USHBP1: variants seen among roughly 807,000 people sequenced by gnomAD.
USHBP1 encodes USH1 protein network component harmonin binding protein 1.
Under a neutral mutation model 76.2 loss-of-function variants are expected in USHBP1, and 67 were observed. The ratio of observed to expected loss-of-function variants is 0.88; its 90% CI spans 0.72 to 1.08. The LOEUF is 1.08. USHBP1 is among the 50% of genes least tolerant of loss of function. USHBP1 has a pLI of 0.00. For missense variants in USHBP1, 931 were observed against 915.0 expected (o/e 1.02, Z -0.23); for synonymous variants, 322 against 362.2 (o/e 0.89, Z 1.26).
chr19:17,254,519 G>C (rs1443445314), intron 10 of USHBP1, among the ~76,000 whole-genome samples: 1 of 151,774 alleles, frequency 6.6e-6, no homozygotes, highest in African/African-American at 2.4e-5. Flanking sequence ...AGCCGGGCGT[G>C]GTGGCGCGTG....
rs991625236 is a variant in USHBP1, at chr19:17,249,326, G to A, written c.*899C>T. On this transcript the variant is annotated 3_prime_UTR_variant, in exon 13 of 13. Coordinates refer to ENST00000252597, the MANE Select transcript of USHBP1 (RefSeq NM_031941.4). ...CCTGCCTCAGTCTCCCGAGTAGCCGGGATTACAGGCATGTGCCACAACACC... is the reference window on the plus strand; with the variant it reads ...CCTGCCTCAGTCTCCCGAGTAGCCGAGATTACAGGCATGTGCCACAACACC... 1.3e-5 allele frequency: 2 copies of A among 152,004 alleles called. No individual in the cohort carries two copies. The allele number at this position is 152,004 out of a possible 1,614,324, so 9.4% of individuals were successfully genotyped here.
At position 17,256,524 on chromosome 19, in the gene USHBP1, C is replaced by G. The variant is rs1405454604; in HGVS notation, c.1417G>C (p.Ala473Pro). The G allele has an allele frequency of 1.2e-6, 2 of 1,613,890 alleles. No homozygotes were observed. The highest frequency in any genetic ancestry group is 1.7e-5 in the Admixed American group (1 of 59,992). ...TGTGTCTTCTCCAGTCGGGGAAGAG[C>G]TGGGCCAGCCTGGGTCCCCAGAATG... ...QAILGTQAGP[A>P]LPRLEKTQIQ... The change falls in exon 9 of 13, where the codon GCT becomes CCT. Residue 473 changes from alanine (A) to proline (P), a missense_variant. Coordinates refer to ENST00000252597, the MANE Select transcript of USHBP1 (RefSeq NM_031941.4).
rs768906771 is a variant in USHBP1, at chr19:17,258,256, C to T, written c.1176G>A (p.Glu392=). 3.1e-6 allele frequency: 5 copies of T among 1,614,136 alleles called. No homozygotes were observed. In the South Asian group the frequency reaches 3.3e-5, roughly 11 times the overall value. ...GTGCTCCTGCATCCATGGCAGCCTC[C>T]TCTTGTGCCAGCAGCCTCCATGCTT... is the stretch of plus-strand genomic sequence containing the variant. ...EKEAWRLLAQ[E]EAAMDAGAQQ... is the part of the protein sequence containing the mutation. Residue 392 remains glutamate (E), a synonymous_variant, in exon 8 of 13, where the codon GAG becomes GAA. Transcript: ENST00000252597.
intron 8 of USHBP1, among the ~76,000 whole-genome samples, 163 bp downstream of exon 8, chr19:17,258,049 A>G (rs2145587082): frequency 6.6e-6 from 1 of 152,266 alleles, no homozygotes; most frequent in East Asian, 1.9e-4. Flanking sequence ...CAACAGGCCA[A>G]CTGCAGTTGA....
intron 3 of USHBP1, chr19:17,263,618 C>T (rs967644700): frequency 1.1e-5 from 2 of 176,100 alleles, no homozygotes; most frequent in Non-Finnish European, 2.4e-5. Flanking sequence ...GCGGCTTACA[C>T]TTGTAATCCC....
At chr19:17,253,060 C>A (rs1245362160) in intron 10 of USHBP1, among the ~76,000 whole-genome samples, 2 of 148,640 alleles carry the variant, frequency 1.3e-5, no homozygotes, top group Non-Finnish European at 3.0e-5. Context: ...GCTCTGCCTC[C>A]CGGGTTCACG....
chr19:17,253,787 G>A (rs920494371), intron 10 of USHBP1, among the ~76,000 whole-genome samples: 1 of 149,482 alleles, frequency 6.7e-6, no homozygotes, highest in South Asian at 2.1e-4. Context: ...CCAGCTACTC[G>A]GGAAGCCAAA....
chr19:17,259,341 GC>G lies in USHBP1; in HGVS notation c.993del (p.Gln331HisfsTer2). 6.2e-7 allele frequency: 1 copy of G among 1,614,168 alleles called. No individual in the cohort carries two copies. ...YKGRCEGLSM[Q>X]LGQREAEATA... ...GTGGCCTCAGCCTCCCGCTGGCCTA[GC>G]TGCATGCTGAGGCCTTCACAGCGGC... On this transcript the variant is annotated frameshift_variant, in exon 7 of 13. Coordinates refer to ENST00000252597, the MANE Select transcript of USHBP1 (RefSeq NM_031941.4). LOFTEE classifies it high-confidence loss of function.
At chr19:17,260,516 G>C (rs530969694) in intron 4 of USHBP1, among the ~76,000 whole-genome samples, 6 of 152,286 alleles carry the variant, frequency 3.9e-5, no homozygotes, top group African/African-American at 1.4e-4. Context: ...TTTCAGTAGA[G>C]ATGGGGTTTC....
intron 8 of USHBP1, among the ~76,000 whole-genome samples, chr19:17,257,837 A>C (rs955177464): frequency 2.0e-5 from 3 of 151,900 alleles, no homozygotes; most frequent in Non-Finnish European, 4.4e-5. Flanking sequence ...TTGGTAGAGA[A>C]GGACTTTCGC....
chr19:17,259,489 A>G (rs2073661864), intron 6 of USHBP1, 60 bp from the exon 7 acceptor site: 9 of 1,608,984 alleles, frequency 5.6e-6, no homozygotes, highest in Non-Finnish European at 7.6e-6. Context: ...TCAGGCCTCA[A>G]TTTCCACCCT....
At position 17,250,158 on chromosome 19, in the gene USHBP1, TC is replaced by T; in HGVS notation, c.*66del. ...CCAAATCATGCAACATGACATGATG[TC>T]ACTCCAGGACAGTTTATGACATGCC... On this transcript the variant is annotated 3_prime_UTR_variant, in exon 13 of 13. Coordinates refer to ENST00000252597, the MANE Select transcript of USHBP1 (RefSeq NM_031941.4). 6.7e-7 allele frequency: 1 copy of T among 1,502,294 alleles called. No homozygotes were observed. Among genetic ancestry groups the T allele is most frequent in the Non-Finnish European group, 8.9e-7 (1 of 1,119,064 alleles). The allele number at this position is 1,502,294 out of a possible 1,614,324, so 93.1% of individuals were successfully genotyped here.
rs568805992 is a variant in USHBP1 at position 17,256,551 on chromosome 19, C to A, written c.1390G>T (p.Ala464Ser). ...TVPRAEAMVQ[A>S]ILGTQAGPAL... ...GGGCCAGCCTGGGTCCCCAGAATGG[C>A]CTGCACCATGGCTTCTGCACGGGGC... The change falls in exon 9 of 13, where the codon GCC (alanine) becomes TCC (serine). Residue 464 changes from alanine (A) to serine (S), a missense_variant. Ala to Ser is a moderately conservative substitution (Grantham distance 99). Coordinates refer to ENST00000252597, the MANE Select transcript of USHBP1 (RefSeq NM_031941.4). 3.7e-6 allele frequency: 6 copies of A among 1,614,026 alleles called. No individual in the cohort carries two copies. The highest frequency in any genetic ancestry group is 5.1e-6 in the Non-Finnish European group (6 of 1,180,038).
At position 17,258,303 on chromosome 19, in the gene USHBP1, C is replaced by T. The variant is rs766531697; in HGVS notation, c.1129G>A (p.Asp377Asn). 2.5e-6 allele frequency: 4 copies of T among 1,614,128 alleles called. No individual in the cohort carries two copies. The South Asian group carries it at 3.3e-5, about 13-fold the overall frequency. The change falls in exon 8 of 13, where the codon GAC becomes AAC. Residue 377 changes from aspartate (D) to asparagine (N), a missense_variant. Transcript: ENST00000252597. ...GCTTCCTTTTCAGCTGCTTGCAGGTCACTCATGGGGGCTTCGTCTCCTGCT... is the reference window on the plus strand; with the variant it reads ...GCTTCCTTTTCAGCTGCTTGCAGGTTACTCATGGGGGCTTCGTCTCCTGCT... ...SGAGDEAPMS[D>N]LQAAEKEAWR...
chr19:17,251,485 G>A lies in USHBP1; in HGVS notation c.1922+97C>T, dbSNP rs191465472. ...GACCGTTACTGCCTATCTTGGGGCA[G>A]TGGGGAATGCTAAGGCCCAGAGACA... On this transcript the variant is annotated intron_variant, in intron 12 of 12. Transcript: ENST00000252597. 8.1e-4 allele frequency: 1,231 copies of A among 1,527,974 alleles called. 3 individuals are homozygous for A. The highest frequency in any genetic ancestry group is 1.7e-3 in the South Asian group (149 of 87,434). The allele number at this position is 1,527,974 out of a possible 1,614,324, so 94.7% of individuals were successfully genotyped here. A position where few individuals can be genotyped will look rare whatever the true frequency, so the allele number is the denominator to read the frequency against.
intron 7 of USHBP1, 126 bp from the exon 8 acceptor site, chr19:17,258,511 C>A: frequency 9.8e-7 from 1 of 1,016,564 alleles, no homozygotes; most frequent in Non-Finnish European, 1.4e-6. Flanking sequence ...GAGTTCGAGA[C>A]CAGCCTGACC....
chr19:17,259,522 T>C, intron 6 of USHBP1, 74 bp downstream of exon 6: 1 of 1,605,886 alleles, frequency 6.2e-7, no homozygotes, highest in Non-Finnish European at 8.5e-7. Context: ...TGTTGCAGCT[T>C]CAGACTCCTG....
Position 17,264,638 on chromosome 19 carries a change from G to A in USHBP1, c.-49+33C>T. The A allele has an allele frequency of 8.5e-6, 3 of 354,266 alleles. No homozygotes were observed. The South Asian group carries it at 9.9e-5, about 12-fold the overall frequency. 21.9% of individuals were successfully genotyped at this position (354,266 alleles called of 1,614,324 possible). ...TCTCAAGAATTCCCTCTCCTCCCCG[G>A]CCCTCCTAAATGAGAGGTTCAGCTC... On this transcript the variant is annotated intron_variant, in intron 1 of 12. Transcript: ENST00000252597.
rs542477348 is a variant in USHBP1 at position 17,263,836 on chromosome 19, A to G, written c.203+166T>C. 3.7e-4 allele frequency: 347 copies of G among 947,126 alleles called. 1 individual carries two copies. The African/African-American group carries it at 5.5e-3, about 15-fold the overall frequency. 58.7% of individuals were successfully genotyped at this position (947,126 alleles called of 1,614,324 possible). On this transcript the variant is annotated intron_variant, in intron 3 of 12. Transcript: ENST00000252597. ...AGCCGAGATTGTGCCACTGCACTGCACTACAGCCTGGGTGACACAGCAAGA... is the reference window on the plus strand; with the variant it reads ...AGCCGAGATTGTGCCACTGCACTGCGCTACAGCCTGGGTGACACAGCAAGA...
Sources: allele counts gnomAD v4.1 joint callset (sites outside exome capture counted in the v4.1 genomes callset), GRCh38; gene constraint gnomAD v4.1.1; transcripts MANE v1.5; gene names NCBI Gene and HGNC (gene_info 2026-07-23, HGNC 2026-07-21).